Variants in CDYL2 observed in about 807,000 individuals in gnomAD.
CDYL2 encodes the protein chromodomain Y like 2.
In CDYL2, 23 loss-of-function variants were observed where a neutral mutation model predicts 49.4. That is an observed-to-expected ratio of 0.47 (90% CI 0.34 to 0.66). The LOEUF is 0.66. Ranked by LOEUF, CDYL2 falls within the 30% of genes least tolerant of loss-of-function variation. The pLI, the probability that CDYL2 is intolerant of heterozygous loss-of-function variation, is 0.01. For synonymous variants in CDYL2, 360 were observed against 268.8 expected (o/e 1.34, Z -3.32); for missense variants, 678 against 656.4 (o/e 1.03, Z -0.36).
intron 2 of CDYL2, chr16:80,670,806 C>T: frequency 2.4e-6 from 1 of 418,742 alleles, no homozygotes; most frequent in Non-Finnish European, 4.9e-6. Context: ...GGCTGGCGCT[C>T]CCAGGAACAC....
intron 1 of CDYL2, among the ~76,000 whole-genome samples, chr16:80,692,304 A>C (rs1284457726): frequency 1.3e-5 from 2 of 152,316 alleles, no homozygotes; most frequent in East Asian, 3.9e-4. Context: ...CCCATCCAAA[A>C]ATCAGGCCAA....
intron 1 of CDYL2, among the ~76,000 whole-genome samples, chr16:80,728,219 T>A (rs1042194146): frequency 8.5e-4 from 129 of 151,970 alleles, no homozygotes; most frequent in African/African-American, 2.8e-3. Context: ...GACGAATGTA[T>A]AACTAGAATA....
intron 1 of CDYL2, among the ~76,000 whole-genome samples, chr16:80,753,260 T>TAA (rs548372995): frequency 2.9e-5 from 4 of 140,268 alleles, no homozygotes; most frequent in African/African-American, 1.0e-4. Context: ...ATTCCCAACT[T>TAA]AAAAAAAAAA....
chr16:80,760,293 C>T (rs2142382179), intron 1 of CDYL2, among the ~76,000 whole-genome samples: 1 of 152,260 alleles, frequency 6.6e-6, no homozygotes, highest in East Asian at 1.9e-4. Flanking sequence ...TCATTAAAAA[C>T]AGTGTCAATA....
At chr16:80,799,353 C>A (rs1051453402) in intron 1 of CDYL2, among the ~76,000 whole-genome samples, 2 of 152,180 alleles carry the variant, frequency 1.3e-5, no homozygotes, top group Non-Finnish European at 2.9e-5. Flanking sequence ...CCTATTAACA[C>A]TTCCCCACTG....
intron 3 of CDYL2, among the ~76,000 whole-genome samples, chr16:80,621,479 C>G (rs1907082186): frequency 6.6e-6 from 1 of 152,246 alleles, no homozygotes; most frequent in African/African-American, 2.4e-5. Context: ...GTTCCAAGCC[C>G]CTGGTCCAAA....
At chr16:80,634,040 C>A (rs1907699761) in intron 2 of CDYL2, among the ~76,000 whole-genome samples, 1 of 148,240 alleles carries the variant, frequency 6.7e-6, no homozygotes, top group African/African-American at 2.5e-5. Flanking sequence ...GGAAGAGGCT[C>A]AAATGTGTAT....
chr16:80,742,296 T>C (rs1450019466), intron 1 of CDYL2: 1 of 152,242 alleles, frequency 6.6e-6, no homozygotes. Context: ...ATTAAACACA[T>C]TCCAGAATAT....
At chr16:80,633,309 T>G in intron 2 of CDYL2, 73 bp from the exon 3 acceptor site, 1 of 1,475,360 alleles carries the variant, frequency 6.8e-7, no homozygotes, top group Non-Finnish European at 9.3e-7. Flanking sequence ...TCAGAGGACG[T>G]TGGGATTTCC....
At chr16:80,675,125 C>T (rs1428950301) in intron 2 of CDYL2, among the ~76,000 whole-genome samples, 1 of 152,202 alleles carries the variant, frequency 6.6e-6, no homozygotes, top group Non-Finnish European at 1.5e-5. Context: ...AAGGCAGGCC[C>T]AGGGGTGTTG....
intron 2 of CDYL2, among the ~76,000 whole-genome samples, chr16:80,672,599 GGAAAGGAAAGGAAAA>G (rs1302196619): frequency 3.3e-4 from 49 of 149,268 alleles, no homozygotes; most frequent in African/African-American, 1.2e-3. Flanking sequence ...GGAAAGGAAA[GGAAAGGAAAGGAAAA>G]GAAAGGAAAG....
chr16:80,671,548 C>T (rs1909509083), intron 2 of CDYL2, among the ~76,000 whole-genome samples: 1 of 152,232 alleles, frequency 6.6e-6, no homozygotes, highest in Non-Finnish European at 1.5e-5. Context: ...GGGCTCTCCT[C>T]CTTTGCCATA....
At chr16:80,712,228 T>C (rs1019160650) in intron 1 of CDYL2, among the ~76,000 whole-genome samples, 9 of 145,396 alleles carry the variant, frequency 6.2e-5, no homozygotes, top group African/African-American at 2.0e-4. Context: ...TCCAAACCAC[T>C]GCTCACTGTG....
intron 2 of CDYL2, among the ~76,000 whole-genome samples, chr16:80,650,488 G>A (rs1390725943): frequency 6.6e-6 from 1 of 152,132 alleles, no homozygotes; most frequent in Non-Finnish European, 1.5e-5. Flanking sequence ...GAGAGGATGT[G>A]GAGAAAAGGG....
intron 1 of CDYL2, among the ~76,000 whole-genome samples, chr16:80,776,966 C>T (rs562208759): frequency 6.7e-4 from 102 of 151,884 alleles, no homozygotes; most frequent in Non-Finnish European, 1.3e-3. Flanking sequence ...TACAGGCGCA[C>T]GCTGCCACGC....
intron 3 of CDYL2, 50 bp from the exon 4 acceptor site, chr16:80,620,985 C>G: frequency 1.3e-6 from 2 of 1,488,858 alleles, no homozygotes; most frequent in Non-Finnish European, 1.8e-6. Flanking sequence ...ATCCTGTAAG[C>G]CTGGGGCTTT....
intron 1 of CDYL2, among the ~76,000 whole-genome samples, chr16:80,777,198 A>C (rs370997907): frequency 1.3e-5 from 2 of 152,202 alleles, no homozygotes; most frequent in South Asian, 2.1e-4. Flanking sequence ...AGACGGAAGG[A>C]GTACACTGAG....
At chr16:80,670,295 G>T (rs1478478379) in intron 2 of CDYL2, among the ~76,000 whole-genome samples, 5 of 149,518 alleles carry the variant, frequency 3.3e-5, no homozygotes, top group Non-Finnish European at 7.5e-5. Context: ...ATCACGGGGG[G>T]CGGTTACCCT....
intron 1 of CDYL2, among the ~76,000 whole-genome samples, chr16:80,709,589 CA>C (rs1567580005): frequency 6.6e-6 from 1 of 151,698 alleles, no homozygotes; most frequent in Non-Finnish European, 1.5e-5. Flanking sequence ...CACACACACA[CA>C]CACACTTCCT....
Sources: allele counts gnomAD v4.1 joint callset (sites outside exome capture counted in the v4.1 genomes callset), GRCh38; gene constraint gnomAD v4.1.1; transcripts MANE v1.5; gene names NCBI Gene and HGNC (gene_info 2026-07-23, HGNC 2026-07-21).